The following PDE10A variants were observed in gnomAD, a reference collection of about 807,000 sequenced individuals.
PDE10A encodes the protein cAMP and cAMP-inhibited cGMP 3',5'-cyclic phosphodiesterase 10A.
PDE10A carries 39 observed loss-of-function variants against 97.7 expected under a neutral mutation model. The observed-to-expected ratio is 0.40, with a 90% CI of 0.31 to 0.52. The LOEUF (loss-of-function observed/expected upper bound fraction) is 0.52, where lower values mean the gene tolerates loss of function less well. Among genes scored for constraint, PDE10A ranks in the 20% least tolerant of loss-of-function variants. PDE10A has a pLI of 0.56. For synonymous variants in PDE10A, 371 were observed against 376.8 expected, an observed-to-expected ratio of 0.98 and a Z score of 0.18; for missense variants, 731 against 1,047.8, an observed-to-expected ratio of 0.70 and a Z score of 4.17.
chr6:165,843,832 T>A (rs1005299879), intron 1 of PDE10A, among the ~76,000 whole-genome samples: 1 of 152,108 alleles, frequency 6.6e-6, no homozygotes, highest in Admixed American at 6.5e-5. Context: ...ACTGAAGGTT[T>A]TATCTGAGGA....
intron 17 of PDE10A, among the ~76,000 whole-genome samples, chr6:165,385,302 A>G (rs1239842856): frequency 6.6e-6 from 1 of 151,942 alleles, no homozygotes; most frequent in African/African-American, 2.4e-5. Context: ...TACAAAAGGC[A>G]CCTAAATAAG....
At chr6:165,926,744 G>A (rs1033343439) in intron 1 of PDE10A, among the ~76,000 whole-genome samples, 1 of 152,174 alleles carries the variant, frequency 6.6e-6, no homozygotes, top group African/African-American at 2.4e-5. Context: ...CACTATCCTT[G>A]GATGACTTCC....
chr6:165,509,672 T>C (rs1406182010), intron 2 of PDE10A, among the ~76,000 whole-genome samples: 1 of 151,950 alleles, frequency 6.6e-6, no homozygotes, highest in Non-Finnish European at 1.5e-5. Flanking sequence ...GACAACATGC[T>C]CATTTTATTA....
chr6:165,580,483 A>G (rs558457610), intron 1 of PDE10A, among the ~76,000 whole-genome samples: 2 of 152,372 alleles, frequency 1.3e-5, no homozygotes, highest in Non-Finnish European at 2.9e-5. Context: ...TTCCAGCTCA[A>G]GTAAGTTTAC....
chr6:165,889,903 CCTCCTCCCTCCCTCA>C (rs1562784230), intron 1 of PDE10A, among the ~76,000 whole-genome samples: 36 of 61,328 alleles, frequency 5.9e-4, no homozygotes, highest in Non-Finnish European at 8.3e-4. Context: ...TCCCTCCCTC[CCTCCTCCCTCCCTCA>C]CTCCTCACTC....
chr6:165,419,733 G>T (rs1788562697), intron 10 of PDE10A, among the ~76,000 whole-genome samples: 1 of 152,078 alleles, frequency 6.6e-6, no homozygotes, highest in Non-Finnish European at 1.5e-5. Context: ...GAGAATTCTG[G>T]TAACTTCAAC....
chr6:165,673,319 G>A lies in PDE10A; in HGVS notation c.-614-129751C>T, dbSNP rs140209999. ...AGCCAACATGGTATTTAGTATACAG[G>A]TTCTTCCAGGAGTCCATAGCCCCAC... is the stretch of plus-strand genomic sequence containing the variant. On this transcript the variant is annotated intron_variant, in intron 1 of 19. Coordinates refer to the PDE10A transcript ENST00000366882. Among the ~76,000 whole-genome samples the A allele has an allele frequency of 3.5e-3, 537 of 152,312 alleles. 1 individual carries two copies. Among genetic ancestry groups the A allele is most frequent in the Non-Finnish European group, 6.2e-3 (422 of 68,022 alleles).
chr6:165,814,616 A>G (rs746609859), intron 1 of PDE10A, among the ~76,000 whole-genome samples: 4 of 152,230 alleles, frequency 2.6e-5, no homozygotes, highest in African/African-American at 4.8e-5. Context: ...CAAGTAAAGT[A>G]AAGTAGAAAT....
At chr6:165,532,547 C>T (rs1004514840) in intron 2 of PDE10A, among the ~76,000 whole-genome samples, 2 of 152,008 alleles carry the variant, frequency 1.3e-5, no homozygotes, top group African/African-American at 4.8e-5. Flanking sequence ...CCCTGAGACA[C>T]TAGAATTTAA....
chr6:165,454,596 C>T (rs997829000), intron 3 of PDE10A, among the ~76,000 whole-genome samples: 9 of 152,250 alleles, frequency 5.9e-5, no homozygotes, highest in East Asian at 5.8e-4. Context: ...CTCTCTAAAG[C>T]GTGATCTCTT....
At chr6:165,938,290 G>C (rs527961515) in intron 1 of PDE10A, among the ~76,000 whole-genome samples, 1 of 152,328 alleles carries the variant, frequency 6.6e-6, no homozygotes, top group African/African-American at 2.4e-5. Context: ...CTGTAGCGTG[G>C]AGTCCATTGA....
chr6:165,375,814 G>A (rs1026789399), intron 18 of PDE10A, among the ~76,000 whole-genome samples: 1 of 152,282 alleles, frequency 6.6e-6, no homozygotes, highest in East Asian at 1.9e-4. Flanking sequence ...ATTATGCTAA[G>A]TCAATTCTGT....
At chr6:165,429,096 C>T (rs1324216208) in intron 9 of PDE10A, among the ~76,000 whole-genome samples, 1 of 151,982 alleles carries the variant, frequency 6.6e-6, no homozygotes, top group African/African-American at 2.4e-5. Context: ...TGCTAAATCT[C>T]ATCAATAGTT....
intron 1 of PDE10A, among the ~76,000 whole-genome samples, chr6:165,937,050 A>G (rs971707246): frequency 6.6e-6 from 1 of 152,214 alleles, no homozygotes; most frequent in African/African-American, 2.4e-5. Context: ...TTCTTCCTCT[A>G]TGTAGTTCAG....
intron 1 of PDE10A, among the ~76,000 whole-genome samples, chr6:165,854,241 C>T (rs1454265623): frequency 6.6e-6 from 1 of 152,126 alleles, no homozygotes; most frequent in East Asian, 1.9e-4. Flanking sequence ...TTTGCCTGGA[C>T]GTCAGGGTGG....
chr6:165,960,761 G>A lies in PDE10A; in HGVS notation c.-615+26768C>T, dbSNP rs189806239. On this transcript the variant is annotated intron_variant, in intron 1 of 19. Transcript: ENST00000366882. ...GGCATTGAGGAGATGGAGAAGCTGC[G>A]CATAGAGCACAGACAGACCCGATCC... Among the ~76,000 whole-genome samples, 224 of 152,286 alleles carry A rather than the reference G, an allele frequency of 1.5e-3. 1 individual carries two copies. The highest frequency in any genetic ancestry group is 5.1e-3 in the African/African-American group (211 of 41,558).
intron 1 of PDE10A, among the ~76,000 whole-genome samples, chr6:165,787,009 T>C (rs967474922): frequency 1.1e-4 from 17 of 152,204 alleles, no homozygotes; most frequent in African/African-American, 3.9e-4. Flanking sequence ...AGTAATTAAA[T>C]ATATTCTTTA....
chr6:165,856,702 G>A (rs1780746749), intron 1 of PDE10A, among the ~76,000 whole-genome samples: 1 of 152,112 alleles, frequency 6.6e-6, no homozygotes, highest in South Asian at 2.1e-4. Flanking sequence ...CATTGAAATT[G>A]AGTCAACTGA....
chr6:165,644,769 C>T (rs1047303703), intron 1 of PDE10A, among the ~76,000 whole-genome samples: 5 of 152,204 alleles, frequency 3.3e-5, no homozygotes, highest in Admixed American at 6.5e-5. Context: ...CCAGATGGCA[C>T]GTGTTTCAGA....
Sources: gnomAD v4.1 joint callset for allele counts (sites outside exome capture counted in the v4.1 genomes callset) on GRCh38, gnomAD v4.1.1 for gene constraint, MANE v1.5 for transcripts, NCBI Gene and HGNC (gene_info 2026-07-23, HGNC 2026-07-21) for gene names.